Variants in NELFB observed in about 807,000 individuals in gnomAD.
The protein encoded by NELFB is negative elongation factor B.
A neutral mutation model predicts 60.2 loss-of-function variants in NELFB; 34 were observed. The ratio of observed to expected loss-of-function variants is 0.56; its 90% confidence interval spans 0.43 to 0.75. The LOEUF (loss-of-function observed/expected upper bound fraction) is 0.75. NELFB is among the 30% of genes least tolerant of loss of function. NELFB has a pLI of 0.00. For missense variants in NELFB, 770 were observed against 831.6 expected (o/e 0.93, Z 0.91); for synonymous variants, 459 against 382.1 (o/e 1.20, Z -2.35).
chr9:137,256,876 C>T lies in NELFB; in HGVS notation c.563C>T (p.Ala188Val), dbSNP rs1218992134. 1 of 1,614,212 alleles carries T rather than the reference C, an allele frequency of 6.2e-7. No homozygotes were observed. Among genetic ancestry groups the T allele is most frequent in the Admixed American group, 1.7e-5 (1 of 60,030 alleles). Reference sequence around the variant, plus strand: ...ATGGCTGACAAGGAGCTGTATCGAGCCTGCGCCGTGGAGGTGAAGCGGCAG... The same window carrying T: ...ATGGCTGACAAGGAGCTGTATCGAGTCTGCGCCGTGGAGGTGAAGCGGCAG... Residue 188 changes from alanine (A) to valine (V), a missense_variant, in exon 4 of 13, where the codon GCC (alanine) becomes GTC (valine). Transcript: ENST00000343053.
At chr9:137,260,593 C>T (rs1286689719) in intron 4 of NELFB, among the ~76,000 whole-genome samples, 2 of 151,290 alleles carry the variant, frequency 1.3e-5, no homozygotes, top group Non-Finnish European at 2.9e-5. Context: ...GCTGGGATTA[C>T]AGGCACCCAC....
chr9:137,255,636 G>A (rs747165771), intron 1 of NELFB, 25 bp downstream of exon 1: 389 of 1,535,042 alleles, frequency 2.5e-4, no homozygotes, highest in Non-Finnish European at 3.2e-4. Context: ...GGGGCGGGGG[G>A]AGCCCAGTTG....
intron 4 of NELFB, among the ~76,000 whole-genome samples, chr9:137,261,823 A>G (rs1245926497): frequency 2.0e-5 from 3 of 151,896 alleles, no homozygotes; most frequent in Admixed American, 6.6e-5. Flanking sequence ...AGACGCGGAG[A>G]CTGGTAGTGG....
chr9:137,272,999 C>A lies in NELFB; in HGVS notation c.*71C>A, dbSNP rs763806597. 7.0e-7 allele frequency: 1 copy of A among 1,426,050 alleles called. No individual in the cohort carries two copies. The highest frequency in any genetic ancestry group is 1.4e-5 in the African/African-American group (1 of 69,426). 88.3% of individuals were successfully genotyped at this position (1,426,050 alleles called of 1,614,324 possible). ...GCCCTGCTCAGCCGGAAGAGGCTCC[C>A]GGACCTGGATGTACAGGGCAGTCTC... is the stretch of plus-strand genomic sequence containing the variant. On this transcript the variant is annotated 3_prime_UTR_variant, in exon 13 of 13. Coordinates refer to ENST00000343053, the MANE Select transcript of NELFB (RefSeq NM_015456.5).
chr9:137,271,774 C>G (rs866777629), intron 10 of NELFB, among the ~76,000 whole-genome samples: 1 of 151,732 alleles, frequency 6.6e-6, no homozygotes, highest in Admixed American at 6.6e-5. Flanking sequence ...CCACCCTCCT[C>G]CTGTCCCCGG....
intron 6 of NELFB, among the ~76,000 whole-genome samples, chr9:137,264,684 C>G (rs1407915353): frequency 6.6e-6 from 1 of 152,240 alleles, no homozygotes; most frequent in Non-Finnish European, 1.5e-5. Flanking sequence ...CCAGGCTTGT[C>G]TTGAACTCCT....
At chr9:137,270,083 G>A (rs1564445655) in intron 10 of NELFB, among the ~76,000 whole-genome samples, 1 of 152,170 alleles carries the variant, frequency 6.6e-6, no homozygotes, top group African/African-American at 2.4e-5. Context: ...TGGGGTCTGC[G>A]TGTGGCCGCC....
rs1159161206 is a variant in NELFB, at chr9:137,255,957, G to A, written c.297G>A (p.Leu99=). The stretch of plus-strand genomic sequence containing the variant: ...CTCTTCAGTCAGCCCTCCCCTTCTT[G>A]GACCTGCACGGGACGCCGCGGCTGG... Residue 99 remains leucine, a synonymous_variant, in exon 2 of 13, where the codon TTG becomes TTA. Transcript: ENST00000343053. 1.2e-6 allele frequency: 2 copies of A among 1,613,906 alleles called. No individual in the cohort carries two copies. Among genetic ancestry groups the A allele is most frequent in the Non-Finnish European group, 1.7e-6 (2 of 1,180,026 alleles).
At position 137,263,118 on chromosome 9, in the gene NELFB, C is replaced by T. The variant is rs139746015; in HGVS notation, c.823C>T (p.Leu275=). 450 of 1,613,978 alleles carry T rather than the reference C, an allele frequency of 2.8e-4. 1 individual carries two copies. The highest frequency in any genetic ancestry group is 4.6e-5 in the Non-Finnish European group (54 of 1,179,978). Residue 275 remains leucine, a synonymous_variant, in exon 5 of 13, where the codon CTG becomes TTG. Transcript: ENST00000343053. Reference sequence around the variant, plus strand: ...GCTGCAGTTTCTGCGCACGCTCTTCCTGCGCACGCGGAATGTGCACTACTG... The same window carrying T: ...GCTGCAGTTTCTGCGCACGCTCTTCTTGCGCACGCGGAATGTGCACTACTG...
intron 4 of NELFB, among the ~76,000 whole-genome samples, chr9:137,259,789 A>T (rs1830404871): frequency 6.6e-6 from 1 of 151,154 alleles, no homozygotes; most frequent in Non-Finnish European, 1.5e-5. Context: ...CAGTGGCACG[A>T]TCTTGGCTCA....
chr9:137,262,158 G>A (rs1830456240), intron 4 of NELFB, among the ~76,000 whole-genome samples: 1 of 152,194 alleles, frequency 6.6e-6, no homozygotes, highest in South Asian at 2.1e-4. Context: ...CAGGGAGACG[G>A]TTAGGCCTCT....
intron 10 of NELFB, among the ~76,000 whole-genome samples, chr9:137,270,950 G>A (rs900590827): frequency 4.6e-5 from 7 of 152,222 alleles, no homozygotes; most frequent in East Asian, 3.9e-4. Flanking sequence ...CACGGACCAC[G>A]GGCCACTGTC....
intron 4 of NELFB, 82 bp from the exon 5 acceptor site, chr9:137,262,955 C>G: frequency 1.4e-6 from 2 of 1,473,296 alleles, no homozygotes; most frequent in Non-Finnish European, 9.3e-7. Flanking sequence ...AGAGAGAGGG[C>G]CGCGCTGTCG....
intron 4 of NELFB, 83 bp from the exon 5 acceptor site, chr9:137,262,954 G>A (rs1015657751): frequency 9.2e-5 from 135 of 1,467,420 alleles, no homozygotes; most frequent in Middle Eastern, 1.8e-4. Context: ...CAGAGAGAGG[G>A]CCGCGCTGTC....
Position 137,272,563 on chromosome 9 carries a change from T to C in NELFB, c.1688T>C (p.Val563Ala). 6.2e-7 allele frequency: 1 copy of C among 1,611,938 alleles called. No homozygotes were observed. The highest frequency in any genetic ancestry group is 8.5e-7 in the Non-Finnish European group (1 of 1,179,464). ...CTCCTCATTCACCTGCACCCCAGGG[T>C]GGCCCCGTCTAAGCTGGAGGCGTTG... Residue 563 changes from valine to alanine, a missense_variant, in exon 12 of 13, where the codon GTG (valine) becomes GCG (alanine). Coordinates refer to ENST00000343053, the MANE Select transcript of NELFB (RefSeq NM_015456.5).
Position 137,272,786 on chromosome 9 carries a change from G to T in NELFB, c.1745G>T (p.Gly582Val). The T allele has an allele frequency of 1.9e-6, 3 of 1,547,414 alleles. No homozygotes were observed. Among genetic ancestry groups the T allele is most frequent in the Non-Finnish European group, 2.6e-6 (3 of 1,144,968 alleles). Residue 582 changes from glycine to valine, a missense_variant, in exon 13 of 13, where the codon GGA becomes GTA. Transcript: ENST00000343053. ...CCATGGTGTGGTTCCCCGCAGAGCG[G>T]AGAGGCAGTGAAGGAGCTTTACTCC... is the stretch of plus-strand genomic sequence containing the variant.
intron 11 of NELFB, 118 bp downstream of exon 11, chr9:137,272,340 G>A: frequency 2.6e-6 from 4 of 1,516,542 alleles, no homozygotes; most frequent in Non-Finnish European, 3.6e-6. Flanking sequence ...GGTCTGTTGG[G>A]CACCAGGGCT....
intron 5 of NELFB, 36 bp from the exon 6 acceptor site, chr9:137,264,209 G>A (rs374789704): frequency 1.3e-5 from 20 of 1,511,576 alleles, no homozygotes; most frequent in African/African-American, 1.1e-4. Context: ...ATCCTGGGAG[G>A]TTTGGGCTGG....
Position 137,262,030 on chromosome 9 carries a change from G to T in NELFB, c.742-1007G>T, listed in dbSNP as rs145030268. ...AAACAGCTTACGCCGTTATTTCTGC[G>T]TATCAGAGACTTTTAGTACTTTCAC... On this transcript the variant is annotated intron_variant, in intron 4 of 12. Coordinates refer to ENST00000343053, the MANE Select transcript of NELFB (RefSeq NM_015456.5). Among the ~76,000 whole-genome samples the T allele has an allele frequency of 3.8e-3, 584 of 152,248 alleles. 32 individuals are homozygous for T. The East Asian group carries it at 0.099, about 26-fold the overall frequency.
Sources: allele counts gnomAD v4.1 joint callset (sites outside exome capture counted in the v4.1 genomes callset), GRCh38; gene constraint gnomAD v4.1.1; transcripts MANE v1.5; gene names NCBI Gene and HGNC (gene_info 2026-07-23, HGNC 2026-07-21).